SEPTIN11: variants seen among roughly 807,000 people sequenced by gnomAD.
SEPTIN11 encodes septin 11, also known as septin-11.
SEPTIN11 carries 25 observed loss-of-function variants against 51.4 expected under a neutral mutation model. The ratio of observed to expected loss-of-function variants is 0.49; its 90% confidence interval spans 0.35 to 0.68. The LOEUF is 0.68. Among genes scored for constraint, SEPTIN11 ranks in the 30% least tolerant of loss-of-function variants. The pLI, the probability that SEPTIN11 is intolerant of heterozygous loss-of-function variation, is 0.00. For synonymous variants in SEPTIN11, 174 were observed against 184.1 expected, an observed-to-expected ratio of 0.95 and a Z score of 0.44; for missense variants, 381 against 520.8, an observed-to-expected ratio of 0.73 and a Z score of 2.61.
At chr4:77,023,879 G>T (rs1387940418) in intron 7 of SEPTIN11, among the ~76,000 whole-genome samples, 3 of 152,184 alleles carry the variant, frequency 2.0e-5, no homozygotes, top group Admixed American at 1.3e-4. Flanking sequence ...GGATGTGCTT[G>T]GAAGATGGAT....
intron 5 of SEPTIN11, 39 bp downstream of exon 5, chr4:77,015,056 G>A (rs759717341): frequency 6.3e-7 from 1 of 1,599,890 alleles, no homozygotes; most frequent in Non-Finnish European, 8.6e-7. Flanking sequence ...TGATTTTTAT[G>A]AACGCCTGTC....
chr4:76,954,078 A>G (rs1560689665), intron 1 of SEPTIN11, among the ~76,000 whole-genome samples: 1 of 152,320 alleles, frequency 6.6e-6, no homozygotes, highest in East Asian at 1.9e-4. Context: ...GGGCCATCCT[A>G]TGTCTGCAAA....
intron 1 of SEPTIN11, among the ~76,000 whole-genome samples, chr4:76,967,105 G>T (rs187689348): frequency 6.6e-6 from 1 of 152,112 alleles, no homozygotes; most frequent in Admixed American, 6.5e-5. Flanking sequence ...GCTGAGGCAC[G>T]AGAATTGCTT....
chr4:77,005,876 G>A (rs1724450163), intron 3 of SEPTIN11, 80 bp downstream of exon 3: 1 of 1,349,850 alleles, frequency 7.4e-7, no homozygotes, highest in Non-Finnish European at 1.0e-6. Context: ...AAGGCCAAAT[G>A]TTTTGGGGAT....
At chr4:77,029,767 TACAC>T (rs1382556066) in intron 8 of SEPTIN11, among the ~76,000 whole-genome samples, 1 of 150,910 alleles carries the variant, frequency 6.6e-6, no homozygotes, top group Non-Finnish European at 1.5e-5. Flanking sequence ...TATATATATA[TACAC>T]ACACACACAC....
intron 1 of SEPTIN11, among the ~76,000 whole-genome samples, chr4:76,983,650 A>G (rs1055876322): frequency 6.6e-6 from 1 of 152,194 alleles, no homozygotes; most frequent in African/African-American, 2.4e-5. Flanking sequence ...CATGCCCCAC[A>G]TTTATGTAAA....
intron 1 of SEPTIN11, among the ~76,000 whole-genome samples, chr4:76,964,548 G>A (rs1578122015): frequency 1.3e-5 from 2 of 152,062 alleles, no homozygotes; most frequent in East Asian, 3.9e-4. Flanking sequence ...ATCTTCAAAC[G>A]TATCTGTGAT....
At chr4:76,974,013 T>C (rs776012066) in intron 1 of SEPTIN11, among the ~76,000 whole-genome samples, 2 of 152,192 alleles carry the variant, frequency 1.3e-5, no homozygotes, top group Non-Finnish European at 2.9e-5. Context: ...AATCAAGGCA[T>C]TTTGTGGTCT....
chr4:76,996,321 A>T, intron 1 of SEPTIN11, 104 bp from the exon 2 acceptor site: 6 of 867,028 alleles, frequency 6.9e-6, no homozygotes, highest in Admixed American at 4.3e-5. Context: ...TCCTTTTTCC[A>T]TGTATGTCAA....
downstream of SEPTIN11, chr4:77,039,694 AT>A (rs1178349829): frequency 6.1e-6 from 6 of 984,650 alleles, no homozygotes; most frequent in African/African-American, 5.3e-5. Context: ...GATGGCTGCA[AT>A]TTTTTTTCTT....
At chr4:76,970,778 A>G (rs1560699876) in intron 1 of SEPTIN11, among the ~76,000 whole-genome samples, 1 of 152,110 alleles carries the variant, frequency 6.6e-6, no homozygotes. Flanking sequence ...TGATATAGGT[A>G]TTTCTCTTTG....
At chr4:76,999,231 C>G (rs937157149) in intron 2 of SEPTIN11, among the ~76,000 whole-genome samples, 2 of 152,170 alleles carry the variant, frequency 1.3e-5, no homozygotes, top group African/African-American at 4.8e-5. Context: ...AAATATCATC[C>G]TCAGAGAGTT....
chr4:76,987,599 A>G (rs1723103958), intron 1 of SEPTIN11, among the ~76,000 whole-genome samples: 1 of 152,166 alleles, frequency 6.6e-6, no homozygotes, highest in Admixed American at 6.5e-5. Flanking sequence ...TCTTTTTTTA[A>G]AAGAGAATGT....
chr4:77,013,937 A>G (rs1231520205), intron 4 of SEPTIN11, among the ~76,000 whole-genome samples: 2 of 152,094 alleles, frequency 1.3e-5, no homozygotes, highest in East Asian at 1.9e-4. Flanking sequence ...GGATTAGGGG[A>G]AAGTTAATCT....
chr4:76,962,382 A>G (rs1458800726), intron 1 of SEPTIN11, among the ~76,000 whole-genome samples: 2 of 152,262 alleles, frequency 1.3e-5, no homozygotes, highest in African/African-American at 4.8e-5. Context: ...CTTTTAAGAT[A>G]AAATGTCCAG....
chr4:76,983,977 A>G (rs1200872501), intron 1 of SEPTIN11, among the ~76,000 whole-genome samples: 4 of 152,224 alleles, frequency 2.6e-5, no homozygotes, highest in African/African-American at 4.8e-5. Context: ...ATTGCACTCC[A>G]GCCTAGGCGA....
Position 76,984,931 on chromosome 4 carries a change from T to C in SEPTIN11, c.28-11494T>C, listed in dbSNP as rs1260093369. On this transcript the variant is annotated intron_variant, in intron 1 of 9. Coordinates refer to ENST00000264893, the MANE Select transcript of SEPTIN11 (RefSeq NM_018243.4). The surrounding 1 kb of genome is among the most constrained non-coding windows in gnomAD (Gnocchi z 4.1). ...CTGCTGGGTGACGGGCTTTTCATCA[T>C]CTCTGATGTGGGCCAGTGCGAAAGA... 1.3e-5 allele frequency: 2 copies of C among 152,282 alleles called. No homozygotes were observed. The highest frequency in any genetic ancestry group is 4.8e-5 in the African/African-American group (2 of 41,458). 9.4% of individuals were successfully genotyped at this position (152,282 alleles called of 1,614,324 possible).
chr4:77,019,701 G>T (rs1010443376), intron 6 of SEPTIN11, among the ~76,000 whole-genome samples: 1 of 152,170 alleles, frequency 6.6e-6, no homozygotes, highest in Non-Finnish European at 1.5e-5. Flanking sequence ...GAGAATATTT[G>T]ATCTATATTT....
At chr4:77,039,639 T>A, downstream of SEPTIN11, 1 of 969,774 alleles carries the variant, frequency 1.0e-6, no homozygotes, top group Non-Finnish European at 1.2e-6. Context: ...TTTTGGTGTT[T>A]GGGGTTTTTA....
Sources: allele counts gnomAD v4.1 joint callset (sites outside exome capture counted in the v4.1 genomes callset), GRCh38; gene constraint gnomAD v4.1.1; non-coding constraint Gnocchi (gnomAD v3.1); transcripts MANE v1.5; gene names NCBI Gene and HGNC (gene_info 2026-07-23, HGNC 2026-07-21).